Variants in IRF2BP2 observed in about 807,000 individuals in gnomAD.
IRF2BP2 encodes interferon regulatory factor 2 binding protein 2.
IRF2BP2 carries 13 observed loss-of-function variants against 32.7 expected under a neutral mutation model. The observed-to-expected ratio is 0.40, with a 90% confidence interval of 0.26 to 0.63. IRF2BP2 has a LOEUF of 0.63. Ranked by LOEUF, IRF2BP2 falls within the 30% of genes least tolerant of loss-of-function variation. The pLI, the probability that IRF2BP2 is intolerant of heterozygous loss-of-function variation, is 0.42. For missense variants in IRF2BP2, 980 were observed against 830.6 expected, an observed-to-expected ratio of 1.18 and a Z score of -2.21; for synonymous variants, 555 against 384.6, an observed-to-expected ratio of 1.44 and a Z score of -5.18.
chr1:234,609,859 G>A lies in IRF2BP2; in HGVS notation c.-365C>T, dbSNP rs1036307970. 1.3e-4 allele frequency among the ~76,000 whole-genome samples: 19 copies of A among 141,032 alleles called. No homozygotes were observed. Among genetic ancestry groups the A allele is most frequent in the Non-Finnish European group, 2.7e-4 (17 of 63,752 alleles). 92.5% of individuals were successfully genotyped at this position (141,032 alleles called of 152,430 possible). ...CCAGACCGGGGCGAAGACGGGCCGCGCGGGCGCGGGGGAGCGCAGCAGGTC... is the reference window on the plus strand; with the variant it reads ...CCAGACCGGGGCGAAGACGGGCCGCACGGGCGCGGGGGAGCGCAGCAGGTC... On this transcript the variant is annotated 5_prime_UTR_variant, in exon 1 of 2. Transcript: ENST00000366609.
rs1291524894 is a variant in IRF2BP2, at chr1:234,604,775, T to G, written c.*2362A>C. The G allele has an allele frequency of 2.0e-5, 3 of 152,210 alleles. No homozygotes were observed. The highest frequency in any genetic ancestry group is 6.5e-5 in the Admixed American group (1 of 15,284). 9.4% of individuals were successfully genotyped at this position (152,210 alleles called of 1,614,324 possible). A position where few individuals can be genotyped will look rare whatever the true frequency, so the allele number is the denominator to read the frequency against. ...CCAGCTGTGGAGAATCTCTGCACTG[T>G]CATCAGGTACAACAAAAGATCAAAC... On this transcript the variant is annotated 3_prime_UTR_variant, in exon 2 of 2. Transcript: ENST00000366609.
In IRF2BP2 at chr1:234,607,577, T is replaced by C. The variant is rs767855551; in HGVS notation, c.1324A>G (p.Lys442Glu). 1 of 1,614,210 alleles carries C rather than the reference T, an allele frequency of 6.2e-7. No individual in the cohort carries two copies. The highest frequency in any genetic ancestry group is 8.5e-7 in the Non-Finnish European group (1 of 1,180,030). Residue 442 changes from lysine to glutamate, a missense_variant, in exon 2 of 2, where the codon AAA becomes GAA. Transcript: ENST00000366609. ...GTGGAGTGAACCTGGTTGGCATCTT[T>C]TGAGGCATGACTGCCCCCTGCATTG... ...ADNAGGSHAS[K>E]DANQVHSTTR...
rs1470314935 is a variant in IRF2BP2, at chr1:234,609,360, G to A, written c.135C>T (p.Gly45=). ...PVCRGCVNYE[G]ADRVEFVIET... is the part of the protein sequence containing the mutation. Reference sequence around the variant, plus strand: ...CGATGACGAACTCGACGCGGTCGGCGCCCTCGTAGTTGACGCAGCCGCGGC... The same window carrying A: ...CGATGACGAACTCGACGCGGTCGGCACCCTCGTAGTTGACGCAGCCGCGGC... Residue 45 remains glycine (G), a synonymous_variant, in exon 1 of 2, where the codon GGC becomes GGT. Transcript: ENST00000366609. 7 of 1,547,616 alleles carry A rather than the reference G, an allele frequency of 4.5e-6. No individual in the cohort carries two copies. Among genetic ancestry groups the A allele is most frequent in the South Asian group, 1.2e-5 (1 of 84,006 alleles).
Position 234,607,421 on chromosome 1 carries a change from G to A in IRF2BP2, c.1480C>T (p.Pro494Ser). 1.1e-5 allele frequency: 18 copies of A among 1,614,026 alleles called. No homozygotes were observed. Among genetic ancestry groups the A allele is most frequent in the Non-Finnish European group, 1.5e-5 (18 of 1,179,874 alleles). Residue 494 changes from proline to serine, a missense_variant, in exon 2 of 2, where the codon CCG becomes TCG. By Grantham distance (74) the Pro-to-Ser change is moderately conservative. Transcript: ENST00000366609. ...GLEPVHPASL[P>S]DSSLATSAPL... is the part of the protein sequence containing the mutation. ...GCACTGGTTGCCAGAGAGGAGTCCG[G>A]GAGGCTGGCAGGGTGCACTGGCTCC...
In IRF2BP2 at chr1:234,607,689, A is replaced by G. The variant is rs752750353; in HGVS notation, c.1212T>C (p.Thr404=). The change falls in exon 2 of 2, where the codon ACT becomes ACC. Residue 404 remains threonine, a synonymous_variant. Transcript: ENST00000366609. ...TSSFVSPPPP[T]ASPHSNRTTP... is the part of the protein sequence containing the mutation. ...TGGTCCGGTTGGAATGAGGTGAGGC[A>G]GTGGGTGGTGGCGGAGACACAAAAG... The G allele has an allele frequency of 4.3e-6, 7 of 1,614,018 alleles. No individual in the cohort carries two copies. In the East Asian group the frequency reaches 1.6e-4, roughly 36 times the overall value.
chr1:234,607,491 G>A lies in IRF2BP2; in HGVS notation c.1410C>T (p.Gly470=), dbSNP rs7543281. 204,309 of 1,614,126 alleles carry A rather than the reference G, an allele frequency of 0.13. 13,754 individuals are homozygous for A. Among genetic ancestry groups the A allele is most frequent in the Middle Eastern group, 0.15 (935 of 6,062 alleles). Residue 470 remains glycine (G), a synonymous_variant, in exon 2 of 2, where the codon GGC becomes GGT. Transcript: ENST00000366609. ...SPSSMNQRRL[G]PREVGGQGAG... The stretch of plus-strand genomic sequence containing the variant: ...CTCCCTGGCCCCCCACCTCTCTGGG[G>A]CCCAGCCTTCTTTGGTTCATAGAGG...
At chr1:234,608,322 G>C in intron 1 of IRF2BP2, 125 bp downstream of exon 1, 3 of 798,654 alleles carry the variant, frequency 3.8e-6, no homozygotes, top group South Asian at 2.0e-5. Flanking sequence ...GCCTCAGGCA[G>C]ATCAGGAAGT....
rs1672268581 is a variant in IRF2BP2, at chr1:234,609,166, G to A, written c.329C>T (p.Ala110Val). 2 of 1,272,782 alleles carry A rather than the reference G, an allele frequency of 1.6e-6. No homozygotes were observed. The highest frequency in any genetic ancestry group is 2.0e-6 in the Non-Finnish European group (2 of 1,012,954). The allele number at this position is 1,272,782 out of a possible 1,614,324, so 78.8% of individuals were successfully genotyped here. A position where few individuals can be genotyped will look rare whatever the true frequency, so the allele number is the denominator to read the frequency against. ...GHGGPEAAPR[A>V]PQALERYPLA... Reference sequence around the variant, plus strand: ...CGGGTAGCGCTCCAAGGCCTGCGGCGCGCGCGGGGCCGCCTCGGGGCCGCC... The same window carrying A: ...CGGGTAGCGCTCCAAGGCCTGCGGCACGCGCGGGGCCGCCTCGGGGCCGCC... Residue 110 changes from alanine (A) to valine (V), a missense_variant, in exon 1 of 2, where the codon GCG (alanine) becomes GTG (valine). Coordinates refer to ENST00000366609, the MANE Select transcript of IRF2BP2 (RefSeq NM_182972.3).
Position 234,605,460 on chromosome 1 carries a change from C to G in IRF2BP2, c.*1677G>C, listed in dbSNP as rs1206553848. The stretch of plus-strand genomic sequence containing the variant: ...CTACGGAAAAACACTGTATTTGGTG[C>G]AGTATCTGATTTTCAAGTGTTAGTA... On this transcript the variant is annotated 3_prime_UTR_variant, in exon 2 of 2. Transcript: ENST00000366609. 2 of 152,168 alleles carry G rather than the reference C, an allele frequency of 1.3e-5. No individual in the cohort carries two copies. The allele number at this position is 152,168 out of a possible 1,614,324, so 9.4% of individuals were successfully genotyped here. A position where few individuals can be genotyped will look rare whatever the true frequency, so the allele number is the denominator to read the frequency against.
Position 234,610,175 on chromosome 1 carries a change from C to T in IRF2BP2, c.-681G>A, listed in dbSNP as rs1223256336. 2.0e-5 allele frequency among the ~76,000 whole-genome samples: 3 copies of T among 148,662 alleles called. No homozygotes were observed. The highest frequency in any genetic ancestry group is 7.3e-5 in the African/African-American group (3 of 41,106). On this transcript the variant is annotated 5_prime_UTR_variant, in exon 1 of 2. Coordinates refer to ENST00000366609, the MANE Select transcript of IRF2BP2 (RefSeq NM_182972.3). The stretch of plus-strand genomic sequence containing the variant: ...TGCTGCCGCCGCGACCGCTCCACTT[C>T]TACAGACTTGATTCTTCGACAGTCT...
At position 234,608,666 on chromosome 1, in the gene IRF2BP2, C is replaced by T. The variant is rs1488655347; in HGVS notation, c.829G>A (p.Ala277Thr). The T allele has an allele frequency of 1.3e-6, 2 of 1,528,122 alleles. No individual in the cohort carries two copies. Among genetic ancestry groups the T allele is most frequent in the Non-Finnish European group, 1.7e-6 (2 of 1,147,804 alleles). The allele number at this position is 1,528,122 out of a possible 1,614,324, so 94.7% of individuals were successfully genotyped here. ...TCCGCGCTCAGCTCGGCGGCCCCGG[C>T]CGCGGTGGACAGGCTGTCGGCCGGG... is the stretch of plus-strand genomic sequence containing the variant. Reference protein sequence around the residue: ...RGPADSLSTAAGAAELSAEGA... With the variant: ...RGPADSLSTATGAAELSAEGA... The change falls in exon 1 of 2, where the codon GCC becomes ACC. Residue 277 changes from alanine to threonine, a missense_variant. By Grantham distance (58) the Ala-to-Thr change is moderately conservative (BLOSUM62 0). Transcript: ENST00000366609.
rs1287685431 is a variant in IRF2BP2 at position 234,606,450 on chromosome 1, CTT to C, written c.*685_*686del. On this transcript the variant is annotated 3_prime_UTR_variant, in exon 2 of 2. Transcript: ENST00000366609. ...CACGTGGACAGTGAACAGCGGTCAA[CTT>C]TGTCTTAAAAAAAAAAAAACAAAAA... The C allele has an allele frequency of 6.6e-6, 1 of 150,704 alleles. No individual in the cohort carries two copies. The highest frequency in any genetic ancestry group is 2.1e-4 in the South Asian group (1 of 4,776). The allele number at this position is 150,704 out of a possible 1,614,324, so 9.3% of individuals were successfully genotyped here.
intron 1 of IRF2BP2, 61 bp from the exon 2 acceptor site, chr1:234,607,913 T>A (rs979173673): frequency 4.1e-5 from 53 of 1,289,756 alleles, no homozygotes; most frequent in Non-Finnish European, 5.3e-5. Context: ...CTGAAAGAGA[T>A]CATTCTCTTC....
intron 1 of IRF2BP2, chr1:234,608,227 C>T (rs1672220688): frequency 5.6e-6 from 3 of 532,008 alleles, no homozygotes; most frequent in African/African-American, 3.9e-5. Context: ...AGGAAAACCC[C>T]GTGTCAGAGC....
rs1672180486 is a variant in IRF2BP2, at chr1:234,606,988, A to C, written c.*149T>G. ...GTCGTCAAAAAAAATATAGAAACAC[A>C]ATGTATTCAAAAAAAATCAAAATTA... On this transcript the variant is annotated 3_prime_UTR_variant, in exon 2 of 2. Coordinates refer to ENST00000366609, the MANE Select transcript of IRF2BP2 (RefSeq NM_182972.3). 1 of 627,800 alleles carries C rather than the reference A, an allele frequency of 1.6e-6. No homozygotes were observed. Among genetic ancestry groups the C allele is most frequent in the Non-Finnish European group, 2.7e-6 (1 of 367,354 alleles). The allele number at this position is 627,800 out of a possible 1,614,324, so 38.9% of individuals were successfully genotyped here. A position where few individuals can be genotyped will look rare whatever the true frequency, so the allele number is the denominator to read the frequency against.
chr1:234,604,472 A>G lies in IRF2BP2; in HGVS notation c.*2665T>C, dbSNP rs1254388053. The G allele has an allele frequency of 6.6e-6, 1 of 152,244 alleles. No homozygotes were observed. The highest frequency in any genetic ancestry group is 1.5e-5 in the Non-Finnish European group (1 of 68,042). 9.4% of individuals were successfully genotyped at this position (152,244 alleles called of 1,614,324 possible). On this transcript the variant is annotated 3_prime_UTR_variant, in exon 2 of 2. Transcript: ENST00000366609. Reference sequence around the variant, plus strand: ...AAAGTATCACCTTCAACTTAAAAAAAGTAAAGGTTAAAAGGTGGCACACTT... The same window carrying G: ...AAAGTATCACCTTCAACTTAAAAAAGGTAAAGGTTAAAAGGTGGCACACTT...
In IRF2BP2 at chr1:234,608,452, T is replaced by C. The variant is rs561592213; in HGVS notation, c.1043A>G (p.Lys348Arg). 62 of 1,574,278 alleles carry C rather than the reference T, an allele frequency of 3.9e-5. No individual in the cohort carries two copies. In the Admixed American group the frequency reaches 8.0e-4, roughly 20 times the overall value. ...GFEANGANGS[K>R]AVARTARKRK... ...CACTTCACAGCCGCCCCTACCTGCT[T>C]TAGACCCGTTGGCCCCGTTGGCCTC... The change falls in exon 1 of 2, where the codon AAA becomes AGA. Residue 348 changes from lysine to arginine, a missense_variant. Transcript: ENST00000366609.
Position 234,605,402 on chromosome 1 carries a change from G to A in IRF2BP2, c.*1735C>T, listed in dbSNP as rs985423337. ...AATGACTGGTAAAACATGAATTCTC[G>A]CACAGTAGTAATAGGTGCACTCATT... On this transcript the variant is annotated 3_prime_UTR_variant, in exon 2 of 2. Transcript: ENST00000366609. 12 of 152,168 alleles carry A rather than the reference G, an allele frequency of 7.9e-5. No individual in the cohort carries two copies. Among genetic ancestry groups the A allele is most frequent in the African/African-American group, 1.7e-4 (7 of 41,440 alleles). The allele number at this position is 152,168 out of a possible 1,614,324, so 9.4% of individuals were successfully genotyped here. A position where few individuals can be genotyped will look rare whatever the true frequency, so the allele number is the denominator to read the frequency against.
Position 234,609,177 on chromosome 1 carries a change from C to T in IRF2BP2, c.318G>A (p.Ala106=), listed in dbSNP as rs1329446283. Residue 106 remains alanine, a synonymous_variant, in exon 1 of 2, where the codon GCG becomes GCA. Coordinates refer to ENST00000366609, the MANE Select transcript of IRF2BP2 (RefSeq NM_182972.3). ...QQQLGHGGPE[A]APRAPQALER... ...CCAAGGCCTGCGGCGCGCGCGGGGC[C>T]GCCTCGGGGCCGCCGTGGCCAAGCT... The T allele has an allele frequency of 5.5e-6, 7 of 1,281,138 alleles. No homozygotes were observed. The highest frequency in any genetic ancestry group is 6.9e-6 in the Non-Finnish European group (7 of 1,017,836). The allele number at this position is 1,281,138 out of a possible 1,614,324, so 79.4% of individuals were successfully genotyped here.
Sources: gnomAD v4.1 joint callset for allele counts (sites outside exome capture counted in the v4.1 genomes callset) on GRCh38, gnomAD v4.1.1 for gene constraint, MANE v1.5 for transcripts, NCBI Gene and HGNC (gene_info 2026-07-23, HGNC 2026-07-21) for gene names.